BCL2L13: variants seen among roughly 807,000 people sequenced by gnomAD.
BCL2L13 encodes bcl-2-like protein 13.
Under a neutral mutation model 25.8 loss-of-function variants are expected in BCL2L13, and 13 were observed. The ratio of observed to expected loss-of-function variants is 0.50; its 90% confidence interval spans 0.33 to 0.80. The LOEUF is 0.80. Ranked by LOEUF, BCL2L13 falls within the 30% of genes least tolerant of loss-of-function variation. The pLI is 0.02. For synonymous variants in BCL2L13, 244 were observed against 230.3 expected, an observed-to-expected ratio of 1.06 and a Z score of -0.54; for missense variants, 504 against 574.9, an observed-to-expected ratio of 0.88 and a Z score of 1.26.
chr22:17,670,454 A>G (rs1396853187), intron 2 of BCL2L13, among the ~76,000 whole-genome samples: 1 of 149,522 alleles, frequency 6.7e-6, no homozygotes, highest in Non-Finnish European at 1.5e-5. Context: ...GGCTCACCGC[A>G]ACCTCTGCCT....
At position 17,631,700 on chromosome 22, in the gene BCL2L13, ATATATATTTTTTTTTTTTTTTTTT is replaced by A. The variant is rs1568903968; in HGVS notation, c.-650+2697_-650+2720del. ...TATATATATATATATATATATATAT[ATATATATTTTTTTTTTTTTTTTTT>A]TTTTTTTTTTTTTTGAGATGGAGTT... On this transcript the variant is annotated intron_variant, in intron 1 of 6. Transcript: ENST00000399782. Among the ~76,000 whole-genome samples, 17 of 21,216 alleles carry A rather than the reference ATATATATTTTTTTTTTTTTTTTTT, an allele frequency of 8.0e-4. No homozygotes were observed. In the East Asian group the frequency reaches 9.8e-3, roughly 12 times the overall value. The allele number at this position is 21,216 out of a possible 152,430, so 13.9% of individuals were successfully genotyped here.
At chr22:17,643,524 TA>T (rs560157433) in intron 1 of BCL2L13, among the ~76,000 whole-genome samples, 1 of 152,102 alleles carries the variant, frequency 6.6e-6, no homozygotes, top group Non-Finnish European at 1.5e-5. Context: ...TTGTGGAACT[TA>T]AAAAAAATTC....
At chr22:17,676,561 T>C (rs1366318005) in intron 2 of BCL2L13, among the ~76,000 whole-genome samples, 1 of 152,214 alleles carries the variant, frequency 6.6e-6, no homozygotes, top group African/African-American at 2.4e-5. Context: ...TATCAACCAC[T>C]TTACGGCTGT....
At chr22:17,683,517 C>T (rs2059816722) in intron 3 of BCL2L13, among the ~76,000 whole-genome samples, 196 bp downstream of exon 3, 1 of 152,034 alleles carries the variant, frequency 6.6e-6, no homozygotes, top group Admixed American at 6.6e-5. Context: ...GATGGAAGTT[C>T]CCCAACTATA....
chr22:17,639,284 T>G (rs1273045635), intron 1 of BCL2L13, among the ~76,000 whole-genome samples: 1 of 152,258 alleles, frequency 6.6e-6, no homozygotes, highest in Admixed American at 6.5e-5. Flanking sequence ...TGCGATTCAC[T>G]TAGAACACTG....
At chr22:17,655,635 C>T (rs2058830612) in intron 1 of BCL2L13, 27 bp from the exon 2 acceptor site, 1 of 1,535,474 alleles carries the variant, frequency 6.5e-7, no homozygotes, top group Non-Finnish European at 8.8e-7. Context: ...AAACTTTAAA[C>T]TGAAAAAATT....
At chr22:17,693,372 G>GTTTGGT (rs1284865411) in intron 4 of BCL2L13, among the ~76,000 whole-genome samples, 1 of 70,612 alleles carries the variant, frequency 1.4e-5, no homozygotes, top group African/African-American at 5.2e-5. Context: ...TTTAGTGTTT[G>GTTTGGT]TTTTTTTTTT....
chr22:17,663,006 G>C (rs747325962), intron 2 of BCL2L13, among the ~76,000 whole-genome samples: 5 of 151,494 alleles, frequency 3.3e-5, no homozygotes, highest in African/African-American at 4.8e-5. Flanking sequence ...TGAGTAGCTG[G>C]ACCACAGGTG....
At chr22:17,678,408 CTATT>C (rs887267103) in intron 2 of BCL2L13, among the ~76,000 whole-genome samples, 1 of 152,090 alleles carries the variant, frequency 6.6e-6, no homozygotes, top group African/African-American at 2.4e-5. Context: ...TCTCTGTTAA[CTATT>C]TAATCATGTC....
chr22:17,693,505 G>T (rs1181010311), intron 4 of BCL2L13, among the ~76,000 whole-genome samples: 6 of 150,826 alleles, frequency 4.0e-5, no homozygotes, highest in Non-Finnish European at 8.8e-5. Context: ...TCAGTCTCCT[G>T]AGTAGCTGGG....
intron 2 of BCL2L13, among the ~76,000 whole-genome samples, chr22:17,671,621 T>G (rs944420438): frequency 1.5e-4 from 23 of 151,984 alleles, no homozygotes; most frequent in Non-Finnish European, 2.9e-4. Flanking sequence ...TAGAGACATT[T>G]GTTTCGCCAT....
chr22:17,702,562 C>T (rs2060470197), intron 6 of BCL2L13, 176 bp downstream of exon 6: 2 of 525,554 alleles, frequency 3.8e-6, no homozygotes, highest in South Asian at 7.4e-5. Flanking sequence ...TGCCTCAGGT[C>T]CTGAATAGCC....
intron 6 of BCL2L13, among the ~76,000 whole-genome samples, chr22:17,723,651 C>T (rs923625232): frequency 5.3e-5 from 8 of 152,112 alleles, no homozygotes; most frequent in East Asian, 1.9e-4. Flanking sequence ...TACTATACCT[C>T]GGGCCGGGCG....
chr22:17,631,213 C>T (rs552305019), intron 1 of BCL2L13, among the ~76,000 whole-genome samples: 2 of 151,830 alleles, frequency 1.3e-5, no homozygotes, highest in African/African-American at 2.4e-5. Context: ...TTTCCTGCCT[C>T]AGCCTCTCCA....
intron 3 of BCL2L13, among the ~76,000 whole-genome samples, chr22:17,688,712 C>G (rs1314334029): frequency 6.6e-6 from 1 of 151,110 alleles, no homozygotes; most frequent in Non-Finnish European, 1.5e-5. Flanking sequence ...TAGCTTGTTC[C>G]TAATAGTGGG....
At position 17,727,076 on chromosome 22, in the gene BCL2L13, C is replaced by G; in HGVS notation, c.1000C>G (p.Leu334Val). The change falls in exon 7 of 7, where the codon CTG (leucine) becomes GTG (valine). Residue 334 changes from leucine to valine, a missense_variant. Transcript: ENST00000317582. ...VASVVLPARE[L>V]QEALPEAPAP... Reference sequence around the variant, plus strand: ...TTCTGTGGTCTTGCCAGCGCGGGAGCTGCAAGAGGCACTTCCTGAAGCCCC... The same window carrying G: ...TTCTGTGGTCTTGCCAGCGCGGGAGGTGCAAGAGGCACTTCCTGAAGCCCC... 6.2e-7 allele frequency: 1 copy of G among 1,614,226 alleles called. No homozygotes were observed. The highest frequency in any genetic ancestry group is 8.5e-7 in the Non-Finnish European group (1 of 1,180,044).
chr22:17,635,214 G>T (rs966570133), upstream of BCL2L13, among the ~76,000 whole-genome samples: 2 of 149,422 alleles, frequency 1.3e-5, no homozygotes, highest in African/African-American at 5.0e-5. Flanking sequence ...ACAGCAAGAC[G>T]CTATCTCTAC....
chr22:17,669,506 A>T (rs115384871), intron 2 of BCL2L13, among the ~76,000 whole-genome samples: 288 of 152,310 alleles, frequency 1.9e-3, no homozygotes, highest in African/African-American at 6.2e-3. Context: ...CTTTTTAACA[A>T]CTAGTTCTGG....
chr22:17,662,048 A>C (rs1256433768), intron 2 of BCL2L13, among the ~76,000 whole-genome samples: 1 of 152,110 alleles, frequency 6.6e-6, no homozygotes, highest in Non-Finnish European at 1.5e-5. Flanking sequence ...TTGTTACTTT[A>C]ATTGACATTT....
Sources: allele counts gnomAD v4.1 joint callset (sites outside exome capture counted in the v4.1 genomes callset), GRCh38; gene constraint gnomAD v4.1.1; transcripts MANE v1.5; gene names NCBI Gene and HGNC (gene_info 2026-07-23, HGNC 2026-07-21).